MTNR1A: variants seen among roughly 807,000 people sequenced by gnomAD.
MTNR1A encodes melatonin receptor 1A.
Under a neutral mutation model 5.5 loss-of-function variants are expected in MTNR1A, and 7 were observed. The observed-to-expected ratio is 1.28, with a 90% confidence interval of 0.73 to 2.40. The LOEUF is 2.40. Ranked by LOEUF, MTNR1A falls within the 30% of genes most tolerant of loss-of-function variation. MTNR1A has a pLI of 0.00. For missense variants in MTNR1A, 441 were observed against 464.4 expected (o/e 0.95, Z 0.46); for synonymous variants, 196 against 202.7 (o/e 0.97, Z 0.28).
intron 1 of MTNR1A, among the ~76,000 whole-genome samples, chr4:186,554,265 C>A (rs894552717): frequency 6.6e-6 from 1 of 152,126 alleles, no homozygotes; most frequent in African/African-American, 2.4e-5. Context: ...GGGTGAGCCT[C>A]CCCAAAAGGA....
At chr4:186,539,056 A>G (rs1261487016) in intron 1 of MTNR1A, among the ~76,000 whole-genome samples, 1 of 151,916 alleles carries the variant, frequency 6.6e-6, no homozygotes, top group Non-Finnish European at 1.5e-5. Context: ...ATCTCTACTA[A>G]AAATACAAAA....
intron 1 of MTNR1A, among the ~76,000 whole-genome samples, chr4:186,550,707 A>G (rs1737251104): frequency 6.6e-6 from 1 of 152,234 alleles, no homozygotes; most frequent in South Asian, 2.1e-4. Flanking sequence ...AGTAAGCTCT[A>G]TCTTATCTGT....
At chr4:186,554,325 T>C (rs1012895689) in intron 1 of MTNR1A, among the ~76,000 whole-genome samples, 21 of 152,272 alleles carry the variant, frequency 1.4e-4, no homozygotes, top group African/African-American at 4.3e-4. Flanking sequence ...AACGAAAATA[T>C]TGATCTTGGC....
At position 186,534,062 on chromosome 4, in the gene MTNR1A, G is replaced by T; in HGVS notation, c.680C>A (p.Pro227His). 1 of 1,614,100 alleles carries T rather than the reference G, an allele frequency of 6.2e-7. No homozygotes were observed. Among genetic ancestry groups the T allele is most frequent in the Admixed American group, 1.7e-5 (1 of 60,020 alleles). ...VRQRVKPDRK[P>H]KLKPQDFRNF... ...CCTGAAGTCCTGTGGTTTCAGTTTG[G>T]GTTTGCGGTCAGGTTTCACCCTCTG... The change falls in exon 2 of 2, where the codon CCC (proline) becomes CAC (histidine). Residue 227 changes from proline to histidine, a missense_variant. By Grantham distance (77) the Pro-to-His change is moderately conservative. Coordinates refer to ENST00000307161, the MANE Select transcript of MTNR1A (RefSeq NM_005958.4).
intron 1 of MTNR1A, among the ~76,000 whole-genome samples, chr4:186,545,565 TACTTGCTCTTCCTGCTC>T (rs1371128128): frequency 6.6e-6 from 1 of 151,978 alleles, no homozygotes; most frequent in African/African-American, 2.4e-5. Flanking sequence ...AAGCAGAAAT[TACTTGCTCTTCCTGCTC>T]ATATCCACTA....
intron 1 of MTNR1A, among the ~76,000 whole-genome samples, chr4:186,548,823 A>T (rs929600714): frequency 4.6e-5 from 4 of 86,826 alleles, no homozygotes; most frequent in African/African-American, 1.9e-4. Flanking sequence ...ATATATATAT[A>T]TATATATATA....
chr4:186,536,402 C>A (rs1446109455), intron 1 of MTNR1A, among the ~76,000 whole-genome samples: 1 of 151,824 alleles, frequency 6.6e-6, no homozygotes, highest in Non-Finnish European at 1.5e-5. Context: ...AGCAGCAGCA[C>A]CAGAGCACGC....
intron 1 of MTNR1A, among the ~76,000 whole-genome samples, chr4:186,545,124 G>A (rs997012045): frequency 2.0e-5 from 3 of 152,050 alleles, no homozygotes; most frequent in Non-Finnish European, 2.9e-5. Flanking sequence ...AGCAAAGCAC[G>A]AGTACCAAGC....
intron 1 of MTNR1A, among the ~76,000 whole-genome samples, chr4:186,550,165 G>A (rs975078059): frequency 7.9e-5 from 12 of 152,260 alleles, no homozygotes; most frequent in African/African-American, 2.2e-4. Context: ...CACATACAGC[G>A]CTCAGGTTCC....
intron 1 of MTNR1A, among the ~76,000 whole-genome samples, chr4:186,551,773 T>C (rs1737271082): frequency 6.6e-6 from 1 of 152,190 alleles, no homozygotes; most frequent in Non-Finnish European, 1.5e-5. Context: ...CCGTACTCTA[T>C]GCATCCTCTC....
At chr4:186,554,471 T>G (rs1737330015) in intron 1 of MTNR1A, among the ~76,000 whole-genome samples, 1 of 152,132 alleles carries the variant, frequency 6.6e-6, no homozygotes, top group African/African-American at 2.4e-5. Flanking sequence ...AAGAACAAAG[T>G]GTCCACAGGT....
rs183402414 is a variant in MTNR1A, at chr4:186,554,900, T to G, written c.184+282A>C. Among the ~76,000 whole-genome samples, 470 of 152,332 alleles carry G rather than the reference T, an allele frequency of 3.1e-3. 3 individuals carry two copies. Among genetic ancestry groups the G allele is most frequent in the African/African-American group, 9.2e-3 (384 of 41,576 alleles). Reference sequence around the variant, plus strand: ...TTCTGCAGCCTGGACCTGAGGCTTCTCAATCTAATAAACCTCAGACAGGAC... The same window carrying G: ...TTCTGCAGCCTGGACCTGAGGCTTCGCAATCTAATAAACCTCAGACAGGAC... On this transcript the variant is annotated intron_variant, in intron 1 of 1. Coordinates refer to ENST00000307161, the MANE Select transcript of MTNR1A (RefSeq NM_005958.4).
chr4:186,552,020 T>C (rs1232785636), intron 1 of MTNR1A, among the ~76,000 whole-genome samples: 1 of 152,200 alleles, frequency 6.6e-6, no homozygotes, highest in Admixed American at 6.5e-5. Flanking sequence ...TCTTCTTAAG[T>C]AGAACACACC....
At chr4:186,542,032 T>C (rs910049637) in intron 1 of MTNR1A, among the ~76,000 whole-genome samples, 1 of 152,216 alleles carries the variant, frequency 6.6e-6, no homozygotes, top group Non-Finnish European at 1.5e-5. Context: ...CCTTGACCAA[T>C]GGGCTCACAA....
chr4:186,546,437 C>T (rs562454543), intron 1 of MTNR1A, among the ~76,000 whole-genome samples: 1 of 152,194 alleles, frequency 6.6e-6, no homozygotes, highest in African/African-American at 2.4e-5. Flanking sequence ...GCTTCAATAG[C>T]CCTGCAGTAT....
At chr4:186,554,295 T>C (rs1220717367) in intron 1 of MTNR1A, among the ~76,000 whole-genome samples, 1 of 152,140 alleles carries the variant, frequency 6.6e-6, no homozygotes, top group Non-Finnish European at 1.5e-5. Flanking sequence ...AATTAGAGCT[T>C]TTCTTAACCA....
At chr4:186,548,877 AAAG>A (rs1404889408) in intron 1 of MTNR1A, among the ~76,000 whole-genome samples, 8 of 144,258 alleles carry the variant, frequency 5.5e-5, no homozygotes, top group Non-Finnish European at 1.2e-4. Flanking sequence ...TCTTTTAAAA[AAAG>A]TACATGGTAA....
intron 1 of MTNR1A, among the ~76,000 whole-genome samples, chr4:186,535,860 T>C (rs1432539443): frequency 1.3e-5 from 2 of 152,206 alleles, no homozygotes; most frequent in African/African-American, 4.8e-5. Flanking sequence ...CTATCTCAAA[T>C]AGAAATGCCA....
At chr4:186,540,682 ACTGAAGGACCAGGTGCTGTCTGT>A (rs1412447637) in intron 1 of MTNR1A, among the ~76,000 whole-genome samples, 1 of 146,822 alleles carries the variant, frequency 6.8e-6, no homozygotes, top group African/African-American at 2.5e-5. Flanking sequence ...TGTCTGACTG[ACTGAAGGACCAGGTGCTGTCTGT>A]CTGAAGGACC....
Sources: allele counts gnomAD v4.1 joint callset (sites outside exome capture counted in the v4.1 genomes callset), GRCh38; gene constraint gnomAD v4.1.1; transcripts MANE v1.5; gene names NCBI Gene and HGNC (gene_info 2026-07-23, HGNC 2026-07-21).